FCRL2: variants seen among roughly 807,000 people sequenced by gnomAD.
The protein encoded by FCRL2 is Fc receptor-like protein 2.
Under a neutral mutation model 59.8 loss-of-function variants are expected in FCRL2, and 48 were observed. That is an observed-to-expected ratio of 0.80 (90% CI 0.64 to 1.02). The LOEUF (loss-of-function observed/expected upper bound fraction) is 1.02, where lower values mean the gene tolerates loss of function less well. Ranked by LOEUF, FCRL2 falls within the 50% of genes least tolerant of loss-of-function variation. The probability of loss-of-function intolerance (pLI) is 0.00; values close to 1 mark genes in which losing one functional copy is unlikely to be tolerated. For synonymous variants in FCRL2, 251 were observed against 229.5 expected (o/e 1.09, Z -0.85); for missense variants, 658 against 597.3 (o/e 1.10, Z -1.06).
rs181632917 is a variant in FCRL2, at chr1:157,775,433, A to T, written c.52+342T>A. Among the ~76,000 whole-genome samples, 226 of 152,340 alleles carry T rather than the reference A, an allele frequency of 1.5e-3. 1 individual carries two copies. The highest frequency in any genetic ancestry group is 5.3e-3 in the African/African-American group (221 of 41,588). ...TTTCAGAGCTGTAAAAACATTCAGC[A>T]TTCAGCCAGACAATAAAGAGGCATT... On this transcript the variant is annotated intron_variant, in intron 2 of 11. Transcript: ENST00000361516.
At chr1:157,762,662 C>G (rs186777617) in intron 7 of FCRL2, among the ~76,000 whole-genome samples, 19 of 152,044 alleles carry the variant, frequency 1.2e-4, no homozygotes, top group Admixed American at 2.6e-4. Flanking sequence ...AGTCTAAAGT[C>G]AAATACAAAG....
At position 157,770,618 on chromosome 1, in the gene FCRL2, A is replaced by G. The variant is rs200878000; in HGVS notation, c.101T>C (p.Ile34Thr). ...APSSVFEGDS[I>T]VLKCQGEQNW... ...CTGTTCTCCCTGGCATTTCAGAACG[A>G]TGCTGTCTCCTTCGAAGACAGAAGA... The change falls in exon 3 of 12, where the codon ATC (isoleucine) becomes ACC (threonine). Residue 34 changes from isoleucine (I) to threonine (T), a missense_variant. Physicochemically the swap from Ile to Thr is moderately conservative, Grantham distance 89. Coordinates refer to ENST00000361516, the MANE Select transcript of FCRL2 (RefSeq NM_030764.4). The G allele has an allele frequency of 6.2e-7, 1 of 1,614,170 alleles. No homozygotes were observed. Among genetic ancestry groups the G allele is most frequent in the Non-Finnish European group, 8.5e-7 (1 of 1,180,000 alleles).
intron 7 of FCRL2, among the ~76,000 whole-genome samples, chr1:157,760,711 G>T (rs6427400): frequency 0.16 from 9,419 of 57,440 alleles, 435 homozygotes; most frequent in East Asian, 0.26. Context: ...AAGAAAGAAA[G>T]AAAGAAAGAA....
rs183073605 is a variant in FCRL2, at chr1:157,753,664, T to C, written c.1280-3987A>G. On this transcript the variant is annotated intron_variant, in intron 7 of 11. Coordinates refer to ENST00000361516, the MANE Select transcript of FCRL2 (RefSeq NM_030764.4). ...TACATAGGTATGATTGATTAAATCA[T>C]TGGCAATTGGTGGTTAGATGAATCT... Among the ~76,000 whole-genome samples the C allele has an allele frequency of 7.9e-5, 12 of 152,332 alleles. No individual in the cohort carries two copies. The East Asian group carries it at 2.1e-3, about 27-fold the overall frequency.
Position 157,767,235 on chromosome 1 carries a change from G to C in FCRL2, c.1158C>G (p.Ile386Met). 1 of 1,611,590 alleles carries C rather than the reference G, an allele frequency of 6.2e-7. No individual in the cohort carries two copies. The highest frequency in any genetic ancestry group is 8.5e-7 in the Non-Finnish European group (1 of 1,178,776). Reference protein sequence around the residue: ...AQCSEAVPVSISGPDGYRRDL... With the variant: ...AQCSEAVPVSMSGPDGYRRDL... ...ATCCAGGTAACACCCACCCACCTGA[G>C]ATGGAGACTGGCACTGCCTCACTGC... Residue 386 changes from isoleucine (I) to methionine (M), a missense_variant, in exon 6 of 12, where the codon ATC (isoleucine) becomes ATG (methionine). Ile to Met is a conservative substitution (Grantham distance 10). Coordinates refer to ENST00000361516, the MANE Select transcript of FCRL2 (RefSeq NM_030764.4).
intron 7 of FCRL2, 113 bp from the exon 8 acceptor site, chr1:157,749,790 T>C: frequency 3.0e-6 from 2 of 674,004 alleles, no homozygotes; most frequent in Non-Finnish European, 5.0e-6. Context: ...TATAGAAGAG[T>C]AATCCAATTG....
chr1:157,763,826 A>G (rs1237824412), intron 7 of FCRL2, among the ~76,000 whole-genome samples: 2 of 151,978 alleles, frequency 1.3e-5, no homozygotes, highest in African/African-American at 2.4e-5. Flanking sequence ...GTCAAGAGAC[A>G]GAGAACATCC....
intron 7 of FCRL2, among the ~76,000 whole-genome samples, chr1:157,757,953 C>T (rs1648730531): frequency 6.6e-6 from 1 of 152,202 alleles, no homozygotes; most frequent in Non-Finnish European, 1.5e-5. Flanking sequence ...CAGAGTGAGA[C>T]TGCGTCTCGA....
At chr1:157,756,587 G>A (rs6686799) in intron 7 of FCRL2, among the ~76,000 whole-genome samples, 2,683 of 151,472 alleles carry the variant, frequency 0.018, 71 homozygotes, top group African/African-American at 0.061. Flanking sequence ...ATTGAGGCAA[G>A]AGGATCACCT....
chr1:157,767,764 C>A (rs1649637887), intron 5 of FCRL2: 12 of 1,333,522 alleles, frequency 9.0e-6, no homozygotes, highest in Non-Finnish European at 1.2e-5. Flanking sequence ...TGTGCCCATC[C>A]AGCCCTCTTC....
At chr1:157,774,706 C>T (rs1650279531) in intron 2 of FCRL2, among the ~76,000 whole-genome samples, 1 of 152,184 alleles carries the variant, frequency 6.6e-6, no homozygotes, top group African/African-American at 2.4e-5. Flanking sequence ...CAGGGTGGGA[C>T]TCCTGGACCT....
chr1:157,751,227 A>G (rs1648160018), intron 7 of FCRL2, among the ~76,000 whole-genome samples: 1 of 152,184 alleles, frequency 6.6e-6, no homozygotes, highest in East Asian at 1.9e-4. Flanking sequence ...TTTACCATAC[A>G]GGAGATAGAG....
intron 7 of FCRL2, among the ~76,000 whole-genome samples, chr1:157,763,872 T>C (rs750096387): frequency 6.6e-6 from 1 of 150,748 alleles, no homozygotes; most frequent in Non-Finnish European, 1.5e-5. Context: ...CTACTGAAAA[T>C]ACAAAAAATT....
At chr1:157,768,881 A>G in intron 4 of FCRL2, 180 bp from the exon 5 acceptor site, 7 of 650,954 alleles carry the variant, frequency 1.1e-5, no homozygotes, top group Non-Finnish European at 1.8e-5. Context: ...GTGGATAAAG[A>G]CATTTGAATG....
chr1:157,768,435 C>G lies in FCRL2; in HGVS notation c.862G>C (p.Val288Leu). ...TCACTTCTCACAGGGATATTCACCA[C>G]CTTGCTCTGGATAGGCACATGGCCG... ...DNGHVPIQSK[V>L]VNIPVRIPVS... The change falls in exon 5 of 12, where the codon GTG becomes CTG. Residue 288 changes from valine (V) to leucine (L), a missense_variant. Val to Leu is a conservative substitution (Grantham distance 32, BLOSUM62 1). Transcript: ENST00000361516. The G allele has an allele frequency of 6.2e-7, 1 of 1,614,052 alleles. No homozygotes were observed. The highest frequency in any genetic ancestry group is 8.5e-7 in the Non-Finnish European group (1 of 1,179,930).
chr1:157,773,604 CAGTT>C (rs1650189385), intron 2 of FCRL2, among the ~76,000 whole-genome samples: 1 of 152,160 alleles, frequency 6.6e-6, no homozygotes, highest in African/African-American at 2.4e-5. Flanking sequence ...GTTTGTGTGA[CAGTT>C]TGTATCCACT....
intron 5 of FCRL2, chr1:157,767,778 T>C (rs1316143110): frequency 9.3e-6 from 11 of 1,177,654 alleles, no homozygotes; most frequent in Non-Finnish European, 1.2e-5. Flanking sequence ...CCTCTTCATA[T>C]TTCTTTTTTT....
In FCRL2 at chr1:157,767,444, G is replaced by A; in HGVS notation, c.949C>T (p.Leu317=). ...PGAQAAVGDL[L]ELHCEALRGS... ...CTCAGGGCCTCACAGTGAAGCTCCA[G>A]CAGGTCCCCCACTGCAGCCTGGGCC... The change falls in exon 6 of 12, where the codon CTG becomes TTG. Residue 317 remains leucine (L), a synonymous_variant. Transcript: ENST00000361516. The A allele has an allele frequency of 6.2e-7, 1 of 1,614,202 alleles. No homozygotes were observed. Among genetic ancestry groups the A allele is most frequent in the South Asian group, 1.1e-5 (1 of 91,076 alleles).
chr1:157,749,101 CT>C, intron 8 of FCRL2, 141 bp from the exon 9 acceptor site: 1 of 623,638 alleles, frequency 1.6e-6, no homozygotes, highest in East Asian at 2.8e-5. Flanking sequence ...TTTGTGTAGA[CT>C]ATCTACTTTG....
Sources: gnomAD v4.1 joint callset for allele counts (sites outside exome capture counted in the v4.1 genomes callset) on GRCh38, gnomAD v4.1.1 for gene constraint, MANE v1.5 for transcripts, NCBI Gene and HGNC (gene_info 2026-07-23, HGNC 2026-07-21) for gene names.